The following ZBTB1 variants were observed in gnomAD, a reference collection of about 807,000 sequenced individuals.
The protein encoded by ZBTB1 is zinc finger and BTB domain-containing protein 1.
Under a neutral mutation model 51.6 loss-of-function variants are expected in ZBTB1, and 13 were observed. That is an observed-to-expected ratio of 0.25 (90% confidence interval 0.16 to 0.40). The LOEUF is 0.40. Among genes scored for constraint, ZBTB1 ranks in the 10% least tolerant of loss-of-function variants. ZBTB1 has a pLI of 1.00. For synonymous variants in ZBTB1, 240 were observed against 282.2 expected, an observed-to-expected ratio of 0.85 and a Z score of 1.50; for missense variants, 567 against 856.5, an observed-to-expected ratio of 0.66 and a Z score of 4.22.
intron 1 of ZBTB1, chr14:64,516,749 A>C (rs1212322348): frequency 6.6e-6 from 1 of 152,262 alleles, no homozygotes; most frequent in African/African-American, 2.4e-5. Flanking sequence ...TGGTATACCA[A>C]AGGTAGTCAG....
In ZBTB1 at chr14:64,522,309, G is replaced by A. The variant is rs199815620; in HGVS notation, c.805G>A (p.Gly269Ser). The change falls in exon 2 of 2, where the codon GGT becomes AGT. Residue 269 changes from glycine (G) to serine (S), a missense_variant. Transcript: ENST00000683701. ...AGACAGTAACATCAAAGCTGAATTT[G>A]GTGAAAAAGATTCTTCCAAAACATT... is the stretch of plus-strand genomic sequence containing the variant. Reference protein sequence around the residue: ...GKDSNIKAEFGEKDSSKTFSA... With the variant: ...GKDSNIKAEFSEKDSSKTFSA... 551 of 1,614,102 alleles carry A rather than the reference G, an allele frequency of 3.4e-4. 1 individual carries two copies. The Middle Eastern group carries it at 4.6e-3, about 14-fold the overall frequency.
chr14:64,514,911 T>TA (rs2079765181), intron 1 of ZBTB1, among the ~76,000 whole-genome samples: 1 of 152,196 alleles, frequency 6.6e-6, no homozygotes, highest in Admixed American at 6.5e-5. Flanking sequence ...CCTGATACAT[T>TA]AAAAACCATG....
exon 3 of ZBTB1, chr14:64,532,674 T>A (rs930216912): frequency 2.0e-5 from 3 of 152,230 alleles, no homozygotes; most frequent in South Asian, 2.1e-4. Context: ...TAAGGCAGAA[T>A]AAGTTTCTGT....
intron 1 of ZBTB1, among the ~76,000 whole-genome samples, chr14:64,517,781 ATT>A (rs10590459): frequency 1.9e-3 from 80 of 41,482 alleles, no homozygotes; most frequent in East Asian, 9.5e-3. Context: ...ATATATATAT[ATT>A]TTTTTTTTTT....
At position 64,521,504 on chromosome 14, in the gene ZBTB1, G is replaced by A. The variant is rs1340614114; in HGVS notation, c.-1G>A. On this transcript the variant is annotated 5_prime_UTR_variant, in exon 2 of 2. Transcript: ENST00000683701. ...TTACATAGGTCTCTAATTAACAGAA[G>A]ATGGCAAAGCCCAGCCACAGCAGCT... 1.9e-6 allele frequency: 3 copies of A among 1,589,764 alleles called. No homozygotes were observed. The African/African-American group carries it at 4.1e-5, about 22-fold the overall frequency.
At chr14:64,503,819 T>A (rs2079580889), upstream of ZBTB1, 2 of 159,338 alleles carry the variant, frequency 1.3e-5, no homozygotes, top group Non-Finnish European at 2.7e-5. Flanking sequence ...TGACCGCGTG[T>A]CTGGTAGCAG....
chr14:64,504,643 G>A (rs1011642887), upstream of ZBTB1: 2 of 328,332 alleles, frequency 6.1e-6, no homozygotes, highest in Non-Finnish European at 1.1e-5. Context: ...GTGGGTGGGC[G>A]GGCGAGAGGG....
At chr14:64,505,614 C>T (rs1425078842) in intron 1 of ZBTB1, among the ~76,000 whole-genome samples, 2 of 152,172 alleles carry the variant, frequency 1.3e-5, no homozygotes, top group Non-Finnish European at 2.9e-5. Context: ...GTCGTTACTA[C>T]TAAAGTATGT....
Position 64,531,806 on chromosome 14 carries a change from A to G in ZBTB1, c.1899-55A>G, listed in dbSNP as rs1596708278. 5.6e-6 allele frequency: 9 copies of G among 1,604,786 alleles called. No homozygotes were observed. The East Asian group carries it at 2.0e-4, about 36-fold the overall frequency. On this transcript the variant is annotated intron_variant, in intron 2 of 2. Transcript: ENST00000358738. ...CTAAGAATTATGTTGTATCTTGTAG[A>G]GCAGTCAACTTGTAATATTATTTTT...
intron 2 of ZBTB1, among the ~76,000 whole-genome samples, chr14:64,530,199 T>C (rs905039732): frequency 6.6e-6 from 1 of 152,232 alleles, no homozygotes; most frequent in Non-Finnish European, 1.5e-5. Context: ...AAATGTCACT[T>C]TTCAAGTGAG....
chr14:64,509,994 A>T (rs2079708194), intron 1 of ZBTB1, among the ~76,000 whole-genome samples: 1 of 151,872 alleles, frequency 6.6e-6, no homozygotes, highest in Admixed American at 6.6e-5. Context: ...AAAAAAAAAA[A>T]AAGTGTAGGA....
chr14:64,509,612 AT>A (rs935079854), intron 1 of ZBTB1, among the ~76,000 whole-genome samples: 4 of 152,110 alleles, frequency 2.6e-5, no homozygotes, highest in African/African-American at 9.7e-5. Context: ...TGTTTTCAGG[AT>A]TTTGGTTTGA....
At chr14:64,525,288 G>A (rs2140182219), downstream of ZBTB1, among the ~76,000 whole-genome samples, 1 of 152,274 alleles carries the variant, frequency 6.6e-6, no homozygotes, top group South Asian at 2.1e-4. Context: ...ATAACGGGAA[G>A]TAGGCAGGGG....
At position 64,504,850 on chromosome 14, in the gene ZBTB1, T is replaced by G; in HGVS notation, c.-115T>G. Reference sequence around the variant, plus strand: ...GCCGAGCGCCGCGCGCCGCCGCCACTGCAGCTCGCGGCCCCTTCGCCTTCG... The same window carrying G: ...GCCGAGCGCCGCGCGCCGCCGCCACGGCAGCTCGCGGCCCCTTCGCCTTCG... On this transcript the variant is annotated 5_prime_UTR_variant, in exon 1 of 2. Transcript: ENST00000683701. 2 of 396,272 alleles carry G rather than the reference T, an allele frequency of 5.0e-6. No homozygotes were observed. The highest frequency in any genetic ancestry group is 4.4e-6 in the Non-Finnish European group (1 of 224,746). The allele number at this position is 396,272 out of a possible 1,614,324, so 24.5% of individuals were successfully genotyped here. A position where few individuals can be genotyped will look rare whatever the true frequency, so the allele number is the denominator to read the frequency against.
intron 1 of ZBTB1, 181 bp downstream of exon 1, chr14:64,505,127 C>T (rs1011530265): frequency 2.0e-5 from 7 of 344,020 alleles, no homozygotes; most frequent in Non-Finnish European, 2.6e-5. Flanking sequence ...TGCTTGTTGC[C>T]GGCGCGTCAG....
At chr14:64,526,060 C>T (rs549826022), downstream of ZBTB1, among the ~76,000 whole-genome samples, 1 of 152,204 alleles carries the variant, frequency 6.6e-6, no homozygotes, top group South Asian at 2.1e-4. Flanking sequence ...CCTCGTGATC[C>T]ACCGGCTTCA....
At chr14:64,504,261 C>CG (rs200908965), upstream of ZBTB1, among the ~76,000 whole-genome samples, 24 of 101,252 alleles carry the variant, frequency 2.4e-4, no homozygotes, top group Middle Eastern at 4.3e-3. Flanking sequence ...AAGGTGGGGT[C>CG]GGGGGGGCGC....
chr14:64,527,781 T>C (rs1262781360), downstream of ZBTB1, among the ~76,000 whole-genome samples: 3 of 151,948 alleles, frequency 2.0e-5, no homozygotes, highest in Admixed American at 2.0e-4. Flanking sequence ...CAAAAAAAGA[T>C]AATAATACAC....
In ZBTB1 at chr14:64,504,801, C is replaced by T. The variant is rs1343910378; in HGVS notation, c.-164C>T. 4 of 386,182 alleles carry T rather than the reference C, an allele frequency of 1.0e-5. No individual in the cohort carries two copies. Among genetic ancestry groups the T allele is most frequent in the Non-Finnish European group, 1.8e-5 (4 of 217,924 alleles). 23.9% of individuals were successfully genotyped at this position (386,182 alleles called of 1,614,324 possible). On this transcript the variant is annotated 5_prime_UTR_variant, in exon 1 of 2. Transcript: ENST00000683701. The stretch of plus-strand genomic sequence containing the variant: ...GCACAGTCCCTGGCAGAGCCAGAGC[C>T]TCTCCGCGCAGCCCAGCCCGAGCGC...
Sources: gnomAD v4.1 joint callset for allele counts (sites outside exome capture counted in the v4.1 genomes callset) on GRCh38, gnomAD v4.1.1 for gene constraint, MANE v1.5 for transcripts, NCBI Gene and HGNC (gene_info 2026-07-23, HGNC 2026-07-21) for gene names.